Variants in PPP2R5C observed in about 807,000 individuals in gnomAD.
PPP2R5C encodes the protein serine/threonine-protein phosphatase 2A 56 kDa regulatory subunit gamma isoform.
Under a neutral mutation model 68.9 loss-of-function variants are expected in PPP2R5C, and 7 were observed. The ratio of observed to expected loss-of-function variants is 0.10; its 90% CI spans 0.06 to 0.19. PPP2R5C has a LOEUF of 0.19. PPP2R5C is among the 10% of genes least tolerant of loss of function. The pLI, the probability that PPP2R5C is intolerant of heterozygous loss-of-function variation, is 1.00. For synonymous variants in PPP2R5C, 210 were observed against 222.2 expected (o/e 0.95, Z 0.49); for missense variants, 348 against 641.3 (o/e 0.54, Z 4.94).
intron 2 of PPP2R5C, among the ~76,000 whole-genome samples, chr14:101,764,975 G>A (rs1223826485): frequency 6.6e-6 from 1 of 152,062 alleles, no homozygotes. Flanking sequence ...GAAGATCCTG[G>A]CTGTAAGGAT....
chr14:101,906,282 A>G lies in PPP2R5C; in HGVS notation c.1024-120A>G. 9.0e-7 allele frequency: 1 copy of G among 1,107,420 alleles called. No individual in the cohort carries two copies. The highest frequency in any genetic ancestry group is 1.3e-6 in the Non-Finnish European group (1 of 791,552). 68.6% of individuals were successfully genotyped at this position (1,107,420 alleles called of 1,614,324 possible). ...GTCTAGAATATTTTGAATTTGTAGA[A>G]ATAATCATAATTTTCTGGTCCAAGG... On this transcript the variant is annotated intron_variant, in intron 9 of 13. Transcript: ENST00000334743. This position sits in a 1 kb window ranked among gnomAD's most constrained non-coding sequence, Gnocchi z 4.0.
At chr14:101,890,942 T>C (rs1170922195) in intron 6 of PPP2R5C, among the ~76,000 whole-genome samples, 1 of 151,860 alleles carries the variant, frequency 6.6e-6, no homozygotes, top group Admixed American at 6.6e-5. Context: ...CTGGCTAATT[T>C]TTGTATTTTT....
At chr14:101,761,559 G>T (rs1595090878), upstream of PPP2R5C, among the ~76,000 whole-genome samples, 1 of 144,408 alleles carries the variant, frequency 6.9e-6, no homozygotes, top group Non-Finnish European at 1.5e-5. Flanking sequence ...GGGCGCTGTT[G>T]AGTGCAGCGG....
chr14:101,837,707 A>G (rs576990534), intron 1 of PPP2R5C, among the ~76,000 whole-genome samples: 12 of 152,234 alleles, frequency 7.9e-5, no homozygotes, highest in Non-Finnish European at 8.8e-5. Context: ...GAACACGAGC[A>G]CTAAGTAGAT....
intron 3 of PPP2R5C, among the ~76,000 whole-genome samples, chr14:101,799,888 GT>G (rs2038785705): frequency 6.6e-6 from 1 of 152,104 alleles, no homozygotes; most frequent in Non-Finnish European, 1.5e-5. Flanking sequence ...CCCTTTCTTT[GT>G]TCCTAGCCTG....
chr14:101,763,081 G>GTTT, intron 2 of PPP2R5C, 111 bp downstream of exon 2: 7 of 780,864 alleles, frequency 9.0e-6, no homozygotes, highest in Non-Finnish European at 9.6e-6. Context: ...CCTATGTGAG[G>GTTT]TTTTTTTTTT....
In PPP2R5C at chr14:101,891,771, CA is replaced by C. The variant is rs1326367025; in HGVS notation, c.690-1228del. ...CATTGTCCGCTGTGCCGCGCAGAGT[CA>C]GTAATGGAAGACCAAGTTAGAGACA... On this transcript the variant is annotated intron_variant, in intron 6 of 13. Transcript: ENST00000334743. This position sits in a 1 kb window ranked among gnomAD's most constrained non-coding sequence, Gnocchi z 4.9. 6.6e-6 allele frequency among the ~76,000 whole-genome samples: 1 copy of C among 152,246 alleles called. No individual in the cohort carries two copies. Among genetic ancestry groups the C allele is most frequent in the Non-Finnish European group, 1.5e-5 (1 of 68,042 alleles).
chr14:101,890,426 A>G (rs1264713534), intron 6 of PPP2R5C, 130 bp downstream of exon 8: 4 of 848,924 alleles, frequency 4.7e-6, no homozygotes, highest in Non-Finnish European at 7.2e-6. Flanking sequence ...TTCAAATACA[A>G]TTTCACTGAA....
At chr14:101,858,310 G>A (rs912233046) in intron 2 of PPP2R5C, among the ~76,000 whole-genome samples, 11 of 151,890 alleles carry the variant, frequency 7.2e-5, no homozygotes, top group Admixed American at 3.3e-4. Context: ...TTTGTTTTGC[G>A]CATCACATTT....
intron 1 of PPP2R5C, chr14:101,839,389 C>G (rs907444683): frequency 6.6e-6 from 1 of 152,098 alleles, no homozygotes. Context: ...AGTCAAGTTA[C>G]GTGACCACAG....
intron 2 of PPP2R5C, among the ~76,000 whole-genome samples, chr14:101,863,589 T>A (rs753763714): frequency 1.1e-4 from 17 of 152,132 alleles, no homozygotes; most frequent in Non-Finnish European, 2.1e-4. Context: ...CAACAGCCTT[T>A]AGGCTTGTTA....
chr14:101,916,507 C>T lies in PPP2R5C; in HGVS notation c.1327-1324C>T, dbSNP rs1193827229. On this transcript the variant is annotated intron_variant, in intron 12 of 13. Transcript: ENST00000334743. This position sits in a 1 kb window ranked among gnomAD's most constrained non-coding sequence, Gnocchi z 5.5. ...GGGTCACAGAGACCGAGGGAGGGTGCAGGTTCAGGGCTGAATGATGGCGTC... is the reference window on the plus strand; with the variant it reads ...GGGTCACAGAGACCGAGGGAGGGTGTAGGTTCAGGGCTGAATGATGGCGTC... 6.6e-6 allele frequency among the ~76,000 whole-genome samples: 1 copy of T among 152,108 alleles called. No individual in the cohort carries two copies. The highest frequency in any genetic ancestry group is 1.5e-5 in the Non-Finnish European group (1 of 68,012).
chr14:101,886,026 A>G (rs1025545686), intron 5 of PPP2R5C, among the ~76,000 whole-genome samples: 1 of 152,358 alleles, frequency 6.6e-6, no homozygotes, highest in South Asian at 2.1e-4. Context: ...TCACGCCTGT[A>G]ATCCCAGCAC....
At chr14:101,771,824 GT>G (rs554404819) in intron 2 of PPP2R5C, among the ~76,000 whole-genome samples, 108 of 152,286 alleles carry the variant, frequency 7.1e-4, no homozygotes, top group African/African-American at 2.4e-3. Flanking sequence ...TGGCCCGGTG[GT>G]AATATCAAAT....
At chr14:101,874,707 T>A (rs1378707091) in intron 2 of PPP2R5C, among the ~76,000 whole-genome samples, 4 of 152,198 alleles carry the variant, frequency 2.6e-5, no homozygotes, top group African/African-American at 7.2e-5. Context: ...TAAATTTCCT[T>A]TATTAAGTAT....
intron 3 of PPP2R5C, among the ~76,000 whole-genome samples, chr14:101,787,730 G>T (rs759680929): frequency 7.0e-6 from 1 of 141,926 alleles, no homozygotes; most frequent in Non-Finnish European, 1.5e-5. Context: ...TCGTGCCACT[G>T]CACTCCAGCC....
intron 2 of PPP2R5C, among the ~76,000 whole-genome samples, chr14:101,865,611 CTG>C (rs1323890611): frequency 1.3e-5 from 2 of 152,204 alleles, no homozygotes; most frequent in African/African-American, 4.8e-5. Context: ...AATCTGCTAA[CTG>C]TGCTACTTTG....
chr14:101,912,060 G>A (rs994361830), intron 11 of PPP2R5C, among the ~76,000 whole-genome samples: 4 of 152,046 alleles, frequency 2.6e-5, no homozygotes, highest in African/African-American at 7.2e-5. Context: ...CTGCATACTC[G>A]TTTTTTCAGT....
At chr14:101,788,168 A>G (rs2038205909) in intron 3 of PPP2R5C, among the ~76,000 whole-genome samples, 1 of 152,186 alleles carries the variant, frequency 6.6e-6, no homozygotes, top group Non-Finnish European at 1.5e-5. Context: ...CCTGCCCCTA[A>G]TGCCCATCAC....
Sources: gnomAD v4.1 joint callset for allele counts (sites outside exome capture counted in the v4.1 genomes callset) on GRCh38, gnomAD v4.1.1 for gene constraint, Gnocchi (gnomAD v3.1) non-coding constraint, MANE v1.5 for transcripts, NCBI Gene and HGNC (gene_info 2026-07-23, HGNC 2026-07-21) for gene names.